C17orf67: variants seen among roughly 807,000 people sequenced by gnomAD.
C17orf67 encodes the protein uncharacterized protein C17orf67.
A neutral mutation model predicts 11.2 loss-of-function variants in C17orf67; 12 were observed. That is an observed-to-expected ratio of 1.07 (90% CI 0.68 to 1.73). The LOEUF (loss-of-function observed/expected upper bound fraction) is 1.73. Ranked by LOEUF, C17orf67 falls within the 40% of genes most tolerant of loss-of-function variation. The pLI is 0.00. For synonymous variants in C17orf67, 59 were observed against 46.9 expected (o/e 1.26, Z -1.05); for missense variants, 115 against 113.5 (o/e 1.01, Z -0.06).
At chr17:56,804,625 A>C (rs1307563805) in intron 6 of C17orf67, among the ~76,000 whole-genome samples, 1 of 152,248 alleles carries the variant, frequency 6.6e-6, no homozygotes, top group East Asian at 1.9e-4. Context: ...TACTTACAAT[A>C]AAGCTAAAAT....
intron 6 of C17orf67, among the ~76,000 whole-genome samples, chr17:56,801,095 T>G (rs2144117184): frequency 6.6e-6 from 1 of 152,314 alleles, no homozygotes; most frequent in Non-Finnish European, 1.5e-5. Flanking sequence ...CCAAAGAGAA[T>G]GGATAGAGAT....
At chr17:56,810,291 C>T (rs1905588543) in intron 6 of C17orf67, among the ~76,000 whole-genome samples, 1 of 148,200 alleles carries the variant, frequency 6.7e-6, no homozygotes, top group Non-Finnish European at 1.5e-5. Context: ...CACACCTTCA[C>T]ATACTCCTCA....
chr17:56,822,918 A>C (rs1391964568), intron 4 of C17orf67, among the ~76,000 whole-genome samples: 1 of 152,140 alleles, frequency 6.6e-6, no homozygotes, highest in Non-Finnish European at 1.5e-5. Flanking sequence ...CGCCTCCACA[A>C]GTGGACTCTA....
chr17:56,827,489 C>A (rs1390179762), intron 2 of C17orf67, among the ~76,000 whole-genome samples: 1 of 152,218 alleles, frequency 6.6e-6, no homozygotes, highest in Non-Finnish European at 1.5e-5. Context: ...TGCATTTTAA[C>A]AAGATTCCCA....
In C17orf67 at chr17:56,825,155, A is replaced by C. The variant is rs1045490433; in HGVS notation, c.-390T>G. ...ACTTCAGAGACCTGGTCAGGACCAC[A>C]GAATCTATATTTTAAAATGATGCTG... On this transcript the variant is annotated 5_prime_UTR_variant, in exon 3 of 8. Transcript: ENST00000397861. 2.6e-5 allele frequency: 4 copies of C among 152,220 alleles called. No individual in the cohort carries two copies. Among genetic ancestry groups the C allele is most frequent in the Non-Finnish European group, 4.4e-5 (3 of 68,042 alleles). 9.4% of individuals were successfully genotyped at this position (152,220 alleles called of 1,614,324 possible). A position where few individuals can be genotyped will look rare whatever the true frequency, so the allele number is the denominator to read the frequency against.
chr17:56,819,763 G>A (rs1043921780), intron 4 of C17orf67, among the ~76,000 whole-genome samples: 7 of 152,154 alleles, frequency 4.6e-5, no homozygotes, highest in African/African-American at 1.7e-4. Context: ...ACCCCATCCC[G>A]GTTCTCAGGA....
chr17:56,814,893 G>A lies in C17orf67; in HGVS notation c.132C>T (p.Pro44=), dbSNP rs770201230. The A allele has an allele frequency of 2.0e-5, 32 of 1,613,940 alleles. No individual in the cohort carries two copies. In the African/African-American group the frequency reaches 2.0e-4, roughly 10 times the overall value. ...CCCGCATTGGCTCATCGGGGAATCC[G>A]GGTTTGCTTGGTCTATCCTGTCGCC... ...RSRRQDRPSK[P]GFPDEPMREY... Residue 44 remains proline (P), a synonymous_variant, in exon 6 of 8, where the codon CCC becomes CCT. Transcript: ENST00000397861.
chr17:56,822,910 C>A (rs1905940323), intron 4 of C17orf67, among the ~76,000 whole-genome samples: 1 of 152,186 alleles, frequency 6.6e-6, no homozygotes, highest in African/African-American at 2.4e-5. Flanking sequence ...CTGCTGCACG[C>A]CTCCACAAGT....
At chr17:56,794,219 A>G (rs911257977) in intron 7 of C17orf67, among the ~76,000 whole-genome samples, 1 of 152,236 alleles carries the variant, frequency 6.6e-6, no homozygotes, top group Admixed American at 6.5e-5. Flanking sequence ...GATTAATAGG[A>G]GCGTCCCTGT....
chr17:56,819,061 T>C (rs1905834788), intron 4 of C17orf67, among the ~76,000 whole-genome samples: 1 of 152,178 alleles, frequency 6.6e-6, no homozygotes, highest in African/African-American at 2.4e-5. Context: ...AGATCTTTCC[T>C]CATCTTCCCA....
At chr17:56,796,399 G>A (rs1905214314) in intron 6 of C17orf67, among the ~76,000 whole-genome samples, 1 of 152,182 alleles carries the variant, frequency 6.6e-6, no homozygotes, top group South Asian at 2.1e-4. Context: ...CTACAACATG[G>A]ATGAACCTTG....
At chr17:56,825,963 A>ACG (rs1181546083) in intron 2 of C17orf67, among the ~76,000 whole-genome samples, 2,495 of 151,546 alleles carry the variant, frequency 0.016, 66 homozygotes, top group African/African-American at 0.057. Context: ...GTGTGTGTGC[A>ACG]CGCGTGTGTG....
chr17:56,823,463 A>G (rs1359398294), intron 4 of C17orf67, among the ~76,000 whole-genome samples: 1 of 152,212 alleles, frequency 6.6e-6, no homozygotes, highest in Non-Finnish European at 1.5e-5. Context: ...AATAAATAAC[A>G]TTAATATCCT....
chr17:56,795,616 T>C (rs1464244917), intron 6 of C17orf67, among the ~76,000 whole-genome samples: 1 of 152,196 alleles, frequency 6.6e-6, no homozygotes, highest in Non-Finnish European at 1.5e-5. Flanking sequence ...AGAAGTTGCA[T>C]TTCTAACAAG....
Position 56,815,853 on chromosome 17 carries a change from G to A in C17orf67, c.-43C>T, listed in dbSNP as rs746284193. 6.2e-7 allele frequency: 1 copy of A among 1,612,814 alleles called. No individual in the cohort carries two copies. The highest frequency in any genetic ancestry group is 8.5e-7 in the Non-Finnish European group (1 of 1,179,302). On this transcript the variant is annotated 5_prime_UTR_variant, in exon 5 of 8. Coordinates refer to ENST00000397861, the MANE Select transcript of C17orf67 (RefSeq NM_001085430.4). Reference sequence around the variant, plus strand: ...GCCTCTTGCTGAGTGAATCCTCCCAGACTGAGTCAGCCAACTTGAAGGAAG... The same window carrying A: ...GCCTCTTGCTGAGTGAATCCTCCCAAACTGAGTCAGCCAACTTGAAGGAAG...
At chr17:56,832,585 A>G (rs147205976) in intron 2 of C17orf67, among the ~76,000 whole-genome samples, 377 of 152,254 alleles carry the variant, frequency 2.5e-3, no homozygotes, top group African/African-American at 8.6e-3. Context: ...CTCCCATAAC[A>G]GCCATCTAAC....
intron 4 of C17orf67, among the ~76,000 whole-genome samples, chr17:56,820,394 G>A (rs1905870022): frequency 6.6e-6 from 1 of 152,158 alleles, no homozygotes; most frequent in Non-Finnish European, 1.5e-5. Context: ...GCAGAAACCA[G>A]CCCTGGAGAA....
intron 2 of C17orf67, among the ~76,000 whole-genome samples, chr17:56,831,552 G>A (rs1906202305): frequency 6.6e-6 from 1 of 152,154 alleles, no homozygotes; most frequent in African/African-American, 2.4e-5. Context: ...GGGGCGTGAA[G>A]TTACTATTAC....
intron 6 of C17orf67, among the ~76,000 whole-genome samples, chr17:56,803,254 G>T (rs1905367994): frequency 6.6e-6 from 1 of 152,220 alleles, no homozygotes; most frequent in South Asian, 2.1e-4. Flanking sequence ...GACAATGAAT[G>T]AAGTGAGCCT....
Sources: gnomAD v4.1 joint callset for allele counts (sites outside exome capture counted in the v4.1 genomes callset) on GRCh38, gnomAD v4.1.1 for gene constraint, MANE v1.5 for transcripts, NCBI Gene and HGNC (gene_info 2026-07-23, HGNC 2026-07-21) for gene names.